FGGY: variants seen among roughly 807,000 people sequenced by gnomAD.
FGGY encodes FGGY carbohydrate kinase domain containing.
FGGY carries 72 observed loss-of-function variants against 71.3 expected under a neutral mutation model. That is an observed-to-expected ratio of 1.01 (90% CI 0.84 to 1.23). FGGY has a LOEUF of 1.23. FGGY is among the 50% of genes most tolerant of loss of function. The pLI is 0.00. For synonymous variants in FGGY, 251 were observed against 250.3 expected, an observed-to-expected ratio of 1.00 and a Z score of -0.02; for missense variants, 668 against 682.3, an observed-to-expected ratio of 0.98 and a Z score of 0.23.
At chr1:59,702,875 G>A (rs1419066472) in intron 14 of FGGY, among the ~76,000 whole-genome samples, 5 of 152,104 alleles carry the variant, frequency 3.3e-5, no homozygotes, top group East Asian at 3.9e-4. Context: ...TTGTCCTGGG[G>A]CACTCAATCC....
chr1:59,298,126 T>C (rs2042237626), intron 1 of FGGY, among the ~76,000 whole-genome samples: 1 of 152,242 alleles, frequency 6.6e-6, no homozygotes, highest in African/African-American at 2.4e-5. Context: ...CTCTTTTTTT[T>C]CTATGATCCA....
chr1:59,732,784 C>A (rs2100981104), intron 14 of FGGY, among the ~76,000 whole-genome samples: 1 of 152,144 alleles, frequency 6.6e-6, no homozygotes, highest in East Asian at 1.9e-4. Context: ...TCTCATGCTG[C>A]CGGCTGCTTT....
At chr1:59,313,085 A>C (rs2044674238) in intron 1 of FGGY, among the ~76,000 whole-genome samples, 1 of 152,208 alleles carries the variant, frequency 6.6e-6, no homozygotes. Flanking sequence ...TTGGAACAGT[A>C]ATGAGAGCAG....
rs191741588 is a variant in FGGY, at chr1:59,618,835, G to A, written c.1012-7153G>A. On this transcript the variant is annotated intron_variant, in intron 9 of 15. Transcript: ENST00000303721. ...AGGGGCATGGGAGACAATAGCCAAAGGTCAATTAGCATTGACACGATCTAT... is the reference window on the plus strand; with the variant it reads ...AGGGGCATGGGAGACAATAGCCAAAAGTCAATTAGCATTGACACGATCTAT... Among the ~76,000 whole-genome samples, 987 of 151,982 alleles carry A rather than the reference G, an allele frequency of 6.5e-3. 16 individuals carry two copies. Among genetic ancestry groups the A allele is most frequent in the African/African-American group, 0.023 (936 of 41,434 alleles).
chr1:59,638,968 C>T (rs1022970240), intron 11 of FGGY, among the ~76,000 whole-genome samples: 83 of 152,192 alleles, frequency 5.5e-4, no homozygotes, highest in African/African-American at 1.9e-3. Context: ...GGAGAACTCT[C>T]AACCACCCCA....
At chr1:59,369,471 C>T (rs61788348) in intron 4 of FGGY, among the ~76,000 whole-genome samples, 44,691 of 152,054 alleles carry the variant, frequency 0.29, 6,733 homozygotes, top group East Asian at 0.41. Context: ...GTAGGCTCCA[C>T]CTCTGGGGGC....
At position 59,583,786 on chromosome 1, in the gene FGGY, C is replaced by T. The variant is rs756696172; in HGVS notation, c.904-24017C>T. 5.0e-4 allele frequency among the ~76,000 whole-genome samples: 71 copies of T among 142,098 alleles called. 7 individuals are homozygous for T. Among genetic ancestry groups the T allele is most frequent in the Non-Finnish European group, 1.4e-4 (9 of 66,236 alleles). The allele number at this position is 142,098 out of a possible 152,430, so 93.2% of individuals were successfully genotyped here. A position where few individuals can be genotyped will look rare whatever the true frequency, so the allele number is the denominator to read the frequency against. ...GGAGAGCCAGTGGAGCACATCTAAG[C>T]CAAAGATGTCAAAGAGAGTGAGGAG... On this transcript the variant is annotated intron_variant, in intron 8 of 15. Transcript: ENST00000303721.
intron 5 of FGGY, among the ~76,000 whole-genome samples, chr1:59,433,439 CAT>C (rs1421029176): frequency 6.6e-6 from 1 of 152,134 alleles, no homozygotes; most frequent in Non-Finnish European, 1.5e-5. Flanking sequence ...TTCCAGGCCT[CAT>C]GTGTCTGGAG....
chr1:59,345,455 G>A (rs928918141), intron 3 of FGGY, among the ~76,000 whole-genome samples: 5 of 152,116 alleles, frequency 3.3e-5, no homozygotes, highest in Admixed American at 1.3e-4. Flanking sequence ...CTACAGGGTG[G>A]TAAGGCAGGA....
intron 7 of FGGY, among the ~76,000 whole-genome samples, chr1:59,516,214 C>T (rs554379723): frequency 6.6e-6 from 1 of 152,224 alleles, no homozygotes; most frequent in African/African-American, 2.4e-5. Context: ...CTTTCCTATA[C>T]CCCTATTAGG....
intron 14 of FGGY, among the ~76,000 whole-genome samples, chr1:59,753,696 TCTTGTTTTTAA>T (rs932111659): frequency 4.7e-4 from 72 of 151,826 alleles, no homozygotes; most frequent in African/African-American, 1.7e-3. Flanking sequence ...TATATGCATA[TCTTGTTTTTAA>T]CTTGTTTTTA....
At chr1:59,315,815 C>T (rs1037377671) in intron 1 of FGGY, 2 of 152,190 alleles carry the variant, frequency 1.3e-5, no homozygotes, top group Admixed American at 6.5e-5. Flanking sequence ...GTTTGGGTTT[C>T]TTTTGAGCCA....
chr1:59,720,320 T>C (rs146131700), intron 14 of FGGY, among the ~76,000 whole-genome samples: 13 of 152,330 alleles, frequency 8.5e-5, no homozygotes, highest in African/African-American at 3.1e-4. Flanking sequence ...GAAAGCCAAG[T>C]ATGTCAGGGG....
chr1:59,576,677 G>GACACACACACAC (rs57817494), intron 8 of FGGY, among the ~76,000 whole-genome samples: 4 of 130,126 alleles, frequency 3.1e-5, no homozygotes, highest in African/African-American at 9.1e-5. Context: ...CAGACAGACA[G>GACACACACACAC]ACACACACAC....
intron 6 of FGGY, among the ~76,000 whole-genome samples, chr1:59,459,341 T>A (rs1411408505): frequency 6.6e-6 from 1 of 152,262 alleles, no homozygotes; most frequent in East Asian, 1.9e-4. Context: ...AAAATGTTAC[T>A]ACCTAATGCC....
chr1:59,450,444 T>G (rs1199601684), intron 5 of FGGY, among the ~76,000 whole-genome samples: 1 of 152,164 alleles, frequency 6.6e-6, no homozygotes, highest in Non-Finnish European at 1.5e-5. Context: ...TTTGTGTGTG[T>G]TCACATTTCC....
intron 8 of FGGY, among the ~76,000 whole-genome samples, chr1:59,587,326 G>A (rs1270456154): frequency 6.6e-6 from 1 of 152,098 alleles, no homozygotes; most frequent in Non-Finnish European, 1.5e-5. Context: ...CACAGCTCAA[G>A]GAGGCCTGCC....
At chr1:59,471,626 G>A (rs539468984) in intron 6 of FGGY, among the ~76,000 whole-genome samples, 1 of 152,190 alleles carries the variant, frequency 6.6e-6, no homozygotes, top group East Asian at 1.9e-4. Context: ...AGAATGACTT[G>A]GAGGTCTCCA....
chr1:59,592,719 G>A (rs535216822), intron 8 of FGGY, among the ~76,000 whole-genome samples: 31 of 150,548 alleles, frequency 2.1e-4, no homozygotes, highest in African/African-American at 7.4e-4. Context: ...CTCACTCATA[G>A]GTGGGAATTG....
Sources: gnomAD v4.1 joint callset for allele counts (sites outside exome capture counted in the v4.1 genomes callset) on GRCh38, gnomAD v4.1.1 for gene constraint, MANE v1.5 for transcripts, NCBI Gene and HGNC (gene_info 2026-07-23, HGNC 2026-07-21) for gene names.